ATP2B2: variants seen among roughly 807,000 people sequenced by gnomAD.
The protein encoded by ATP2B2 is plasma membrane calcium-transporting ATPase 2.
A neutral mutation model predicts 120.0 loss-of-function variants in ATP2B2; 15 were observed. The observed-to-expected ratio is 0.12, with a 90% confidence interval of 0.08 to 0.19. The LOEUF is 0.19. Ranked by LOEUF, ATP2B2 falls within the 10% of genes least tolerant of loss-of-function variation. The pLI, the probability that ATP2B2 is intolerant of heterozygous loss-of-function variation, is 1.00. For missense variants in ATP2B2, 1,045 were observed against 1,719.8 expected (o/e 0.61, Z 6.94); for synonymous variants, 694 against 700.3 (o/e 0.99, Z 0.14).
chr3:10,395,562 C>T (rs188214226), intron 5 of ATP2B2, among the ~76,000 whole-genome samples: 5 of 152,320 alleles, frequency 3.3e-5, no homozygotes, highest in African/African-American at 9.6e-5. Context: ...TAGCAACAGC[C>T]GAATCAGAGT....
At chr3:10,614,012 A>T (rs1044050502) in intron 2 of ATP2B2, among the ~76,000 whole-genome samples, 7 of 151,780 alleles carry the variant, frequency 4.6e-5, no homozygotes, top group African/African-American at 1.7e-4. Context: ...TCATTCCCTC[A>T]TTCCAGCCTG....
chr3:10,436,270 C>T (rs751291821), intron 2 of ATP2B2, among the ~76,000 whole-genome samples: 12 of 152,230 alleles, frequency 7.9e-5, no homozygotes, highest in Non-Finnish European at 1.8e-4. Flanking sequence ...CCAAACTTAT[C>T]ACCTCCTAAT....
At chr3:10,362,882 C>A (rs537399090) in intron 12 of ATP2B2, among the ~76,000 whole-genome samples, 4 of 152,034 alleles carry the variant, frequency 2.6e-5, no homozygotes, top group Admixed American at 1.3e-4. Context: ...ATATATATAT[C>A]TCACACACAC....
upstream of ATP2B2, among the ~76,000 whole-genome samples, chr3:10,506,860 G>A (rs879420445): frequency 2.6e-5 from 4 of 152,238 alleles, no homozygotes; most frequent in East Asian, 1.9e-4. Flanking sequence ...CCGAGCTGCC[G>A]CTCCATCCCT....
intron 1 of ATP2B2, among the ~76,000 whole-genome samples, chr3:10,703,992 T>G (rs1041141953): frequency 6.6e-6 from 1 of 152,150 alleles, no homozygotes; most frequent in Admixed American, 6.5e-5. Context: ...CCGAGCCTGC[T>G]TACCCTGCCT....
chr3:10,591,621 T>C (rs959723343), intron 2 of ATP2B2, among the ~76,000 whole-genome samples: 1 of 152,234 alleles, frequency 6.6e-6, no homozygotes, highest in Admixed American at 6.5e-5. Context: ...GCTTCTCTTA[T>C]TGCTCAATTT....
At chr3:10,401,306 A>G (rs1436782600) in intron 4 of ATP2B2, among the ~76,000 whole-genome samples, 1 of 152,194 alleles carries the variant, frequency 6.6e-6, no homozygotes, top group African/African-American at 2.4e-5. Flanking sequence ...GGGGCCCTGC[A>G]ACCCTCGCTC....
At chr3:10,493,256 T>G (rs2066004525) in intron 1 of ATP2B2, among the ~76,000 whole-genome samples, 2 of 150,454 alleles carry the variant, frequency 1.3e-5, no homozygotes, top group African/African-American at 4.9e-5. Flanking sequence ...GGTGAGGGGG[T>G]GGGGGAGCTC....
chr3:10,660,701 C>T (rs1407205508), intron 1 of ATP2B2, among the ~76,000 whole-genome samples: 1 of 152,210 alleles, frequency 6.6e-6, no homozygotes, highest in South Asian at 2.1e-4. Context: ...CCTTCTGAAA[C>T]TATTCCAATC....
At chr3:10,522,869 G>T (rs2067012591) in intron 3 of ATP2B2, among the ~76,000 whole-genome samples, 1 of 152,238 alleles carries the variant, frequency 6.6e-6, no homozygotes, top group Non-Finnish European at 1.5e-5. Flanking sequence ...TTCTCCCAGA[G>T]CCTGAGGTTC....
At chr3:10,627,827 C>T (rs1417464886) in intron 1 of ATP2B2, among the ~76,000 whole-genome samples, 2 of 152,028 alleles carry the variant, frequency 1.3e-5, no homozygotes, top group Middle Eastern at 3.2e-3. Context: ...GTCTGATGGC[C>T]GTTTATCAAA....
intron 2 of ATP2B2, among the ~76,000 whole-genome samples, chr3:10,613,083 G>A (rs1291445867): frequency 2.6e-5 from 4 of 152,196 alleles, no homozygotes; most frequent in Non-Finnish European, 5.9e-5. Flanking sequence ...CATGGCTGAT[G>A]ATTCAGTCAA....
In ATP2B2 at chr3:10,402,467, T is replaced by C. The variant is rs1335237677; in HGVS notation, c.398-119A>G. 10 of 1,447,772 alleles carry C rather than the reference T, an allele frequency of 6.9e-6. No homozygotes were observed. In the East Asian group the frequency reaches 1.8e-4, roughly 26 times the overall value. 89.7% of individuals were successfully genotyped at this position (1,447,772 alleles called of 1,614,324 possible). On this transcript the variant is annotated intron_variant, in intron 3 of 22. Transcript: ENST00000360273. This position sits in a 1 kb window ranked among gnomAD's most constrained non-coding sequence, Gnocchi z 4.9. The stretch of plus-strand genomic sequence containing the variant: ...AGTGTTAAGAATCAGATGATAATTA[T>C]CCACTTACTCAGTGTGTCTGGGTAC...
At chr3:10,705,547 C>T (rs1349443149) in intron 1 of ATP2B2, among the ~76,000 whole-genome samples, 1 of 152,224 alleles carries the variant, frequency 6.6e-6, no homozygotes, top group Admixed American at 6.5e-5. Context: ...TACAAGTCCT[C>T]TTGGAGACAG....
intron 2 of ATP2B2, among the ~76,000 whole-genome samples, chr3:10,593,904 G>T (rs567677626): frequency 1.9e-4 from 29 of 152,230 alleles, no homozygotes; most frequent in Admixed American, 1.7e-3. Context: ...CAAGTGGGCG[G>T]AGGATATGAA....
At chr3:10,639,525 GC>G (rs1218196954) in intron 1 of ATP2B2, among the ~76,000 whole-genome samples, 9 of 152,080 alleles carry the variant, frequency 5.9e-5, no homozygotes, top group Non-Finnish European at 1.2e-4. Flanking sequence ...TATCATGAGG[GC>G]TTCTCCCTCA....
intron 1 of ATP2B2, among the ~76,000 whole-genome samples, chr3:10,665,100 G>T (rs112757691): frequency 1.4e-3 from 207 of 152,282 alleles, no homozygotes; most frequent in African/African-American, 4.9e-3. Context: ...GATCTTTGAG[G>T]AATGAAAATT....
chr3:10,358,990 A>C, intron 13 of ATP2B2, 65 bp from the exon 14 acceptor site: 2 of 1,480,240 alleles, frequency 1.4e-6, no homozygotes, highest in African/African-American at 1.4e-5. Flanking sequence ...CTTAGAGACC[A>C]CCTCCCCACC....
intron 3 of ATP2B2, among the ~76,000 whole-genome samples, chr3:10,531,948 G>T (rs940648917): frequency 3.3e-5 from 5 of 152,072 alleles, no homozygotes; most frequent in Non-Finnish European, 7.4e-5. Context: ...ATCACTTAGG[G>T]TCTGGGTGGC....
Sources: allele counts gnomAD v4.1 joint callset (sites outside exome capture counted in the v4.1 genomes callset), GRCh38; gene constraint gnomAD v4.1.1; non-coding constraint Gnocchi (gnomAD v3.1); transcripts MANE v1.5; gene names NCBI Gene and HGNC (gene_info 2026-07-23, HGNC 2026-07-21).